VWF: variants seen among roughly 807,000 people sequenced by gnomAD.
VWF encodes Factor VIII related antigen.
In VWF, 176 loss-of-function variants were observed where a neutral mutation model predicts 308.6. The observed-to-expected ratio is 0.57, with a 90% confidence interval of 0.50 to 0.65. The LOEUF (loss-of-function observed/expected upper bound fraction) is 0.65, where lower values mean the gene tolerates loss of function less well. Ranked by LOEUF, VWF falls within the 30% of genes least tolerant of loss-of-function variation. The pLI is 0.00. For synonymous variants in VWF, 1,385 were observed against 1,443.4 expected, an observed-to-expected ratio of 0.96 and a Z score of 0.92; for missense variants, 3,146 against 3,648.2, an observed-to-expected ratio of 0.86 and a Z score of 3.55.
At chr12:6,010,724 A>G (rs1384410952) in intron 34 of VWF, among the ~76,000 whole-genome samples, 2 of 152,208 alleles carry the variant, frequency 1.3e-5, no homozygotes, top group Admixed American at 6.5e-5. Context: ...TTTAATCACA[A>G]AAGGCAAAGC....
At chr12:6,124,268 G>T (rs1945463157) in intron 1 of VWF, among the ~76,000 whole-genome samples, 153 bp downstream of exon 1, 1 of 152,222 alleles carries the variant, frequency 6.6e-6, no homozygotes, top group South Asian at 2.1e-4. Context: ...GGAGGAGGGA[G>T]TATTAGGATC....
At chr12:6,032,426 T>A (rs909992248) in intron 20 of VWF, among the ~76,000 whole-genome samples, 6 of 150,030 alleles carry the variant, frequency 4.0e-5, no homozygotes, top group Non-Finnish European at 7.4e-5. Flanking sequence ...GATCACGAGG[T>A]CAGGAGATCG....
Position 6,064,244 on chromosome 12 carries a change from A to G in VWF, c.1432+2T>C. 1.9e-6 allele frequency: 3 copies of G among 1,614,046 alleles called. No homozygotes were observed. The highest frequency in any genetic ancestry group is 2.5e-6 in the Non-Finnish European group (3 of 1,180,026). On this transcript the variant is annotated splice_donor_variant, in intron 12 of 51. Coordinates refer to ENST00000261405, the MANE Select transcript of VWF (RefSeq NM_000552.5). LOFTEE classifies it high-confidence loss of function. The stretch of plus-strand genomic sequence containing the variant: ...GGCCTGATGGAGCAGGACGAAGCAT[A>G]CCTTTCAGGAGGGGGAGCTGGACGT...
At position 6,110,968 on chromosome 12, in the gene VWF, C is replaced by T; in HGVS notation, c.221G>A (p.Gly74Glu). Residue 74 changes from glycine to glutamate, a missense_variant and splice_region_variant, in exon 4 of 52, where the codon GGG becomes GAG. Transcript: ENST00000261405. ...CACTCTCTTGCCATTCTGGAAGTCC[C>T]CTGAAAGAGAAAAAAGTCAATAGTA... ...GCQKRSFSII[G>E]DFQNGKRVSL... 1 of 1,613,680 alleles carries T rather than the reference C, an allele frequency of 6.2e-7. No homozygotes were observed. Among genetic ancestry groups the T allele is most frequent in the Non-Finnish European group, 8.5e-7 (1 of 1,179,658 alleles).
chr12:6,050,371 A>G (rs216304), intron 16 of VWF, among the ~76,000 whole-genome samples: 135,202 of 152,186 alleles, frequency 0.89, 60,147 homozygotes, highest in Middle Eastern at 0.92. Flanking sequence ...CAACGTCAAC[A>G]TTTTCCTGCA....
chr12:6,002,973 T>C (rs1258265463), intron 34 of VWF, among the ~76,000 whole-genome samples: 1 of 151,952 alleles, frequency 6.6e-6, no homozygotes, highest in Admixed American at 6.6e-5. Context: ...AACAATAGCA[T>C]TGGCAGAATC....
chr12:6,046,842 A>G lies in VWF; in HGVS notation c.2187-25T>C, dbSNP rs1944451726. ...GCTGCAGAGAAGAAAATCATAGCCG[A>G]GCTTCACGAGACTCGTCTATACTCG... On this transcript the variant is annotated intron_variant, in intron 16 of 51. Coordinates refer to ENST00000261405, the MANE Select transcript of VWF (RefSeq NM_000552.5). The surrounding 1 kb of genome is among the most constrained non-coding windows in gnomAD (Gnocchi z 5.0). The G allele has an allele frequency of 1.2e-6, 2 of 1,609,178 alleles. No individual in the cohort carries two copies. The highest frequency in any genetic ancestry group is 1.3e-5 in the African/African-American group (1 of 74,834).
chr12:5,962,535 A>ATTG (rs1565810332), intron 47 of VWF, among the ~76,000 whole-genome samples: 1 of 131,646 alleles, frequency 7.6e-6, no homozygotes, highest in Admixed American at 8.0e-5. Flanking sequence ...TACACAGGCA[A>ATTG]TTCTTTTTTT....
At chr12:6,100,408 C>T (rs971121361) in intron 5 of VWF, among the ~76,000 whole-genome samples, 5 of 149,820 alleles carry the variant, frequency 3.3e-5, no homozygotes, top group African/African-American at 5.1e-5. Context: ...ACCCAAAGTA[C>T]TACAAATCAT....
chr12:6,069,619 C>T (rs922975063), intron 10 of VWF, among the ~76,000 whole-genome samples: 5 of 152,094 alleles, frequency 3.3e-5, no homozygotes, highest in Admixed American at 6.5e-5. Flanking sequence ...GCAAATGGAC[C>T]GGGAGGCGAT....
At chr12:6,123,767 A>G (rs1367762582) in intron 1 of VWF, among the ~76,000 whole-genome samples, 1 of 152,174 alleles carries the variant, frequency 6.6e-6, no homozygotes, top group Non-Finnish European at 1.5e-5. Context: ...GGAGATGCCC[A>G]GCAAATGTTT....
chr12:5,953,464 G>C, intron 48 of VWF, 32 bp downstream of exon 48: 1 of 1,589,598 alleles, frequency 6.3e-7, no homozygotes. Context: ...ATGGTGATAT[G>C]TGAGGGAGCC....
intron 3 of VWF, among the ~76,000 whole-genome samples, chr12:6,114,633 T>C (rs960562151): frequency 6.6e-6 from 1 of 152,004 alleles, no homozygotes; most frequent in Non-Finnish European, 1.5e-5. Flanking sequence ...AGCTAGTCAG[T>C]GATGAAGAGC....
chr12:5,957,300 C>T (rs933274210), intron 47 of VWF, among the ~76,000 whole-genome samples: 7 of 152,030 alleles, frequency 4.6e-5, no homozygotes, highest in South Asian at 2.1e-4. Context: ...TTAAGCAACA[C>T]GTGAATGTAC....
Position 6,011,748 on chromosome 12 carries a change from C to A in VWF, c.5711G>T (p.Cys1904Phe). ...CAGCAAGGTCTGGCCATCTGGCTGGCAAGTCACGGTGTGGCACTGGTCTGG... is the reference window on the plus strand; with the variant it reads ...CAGCAAGGTCTGGCCATCTGGCTGGAAAGTCACGGTGTGGCACTGGTCTGG... The part of the protein sequence containing the change: ...TLPDQCHTVT[C>F]QPDGQTLLKS... Residue 1904 changes from cysteine to phenylalanine, a missense_variant, in exon 34 of 52, where the codon TGC becomes TTC. By Grantham distance (205) the Cys-to-Phe change is radical. Coordinates refer to ENST00000261405, the MANE Select transcript of VWF (RefSeq NM_000552.5). The A allele has an allele frequency of 6.2e-7, 1 of 1,613,630 alleles. No individual in the cohort carries two copies.
rs941933465 is a variant in VWF, at chr12:6,103,542, G to A, written c.532+6832C>T. 1.0e-4 allele frequency among the ~76,000 whole-genome samples: 8 copies of A among 76,658 alleles called. 1 individual carries two copies. The highest frequency in any genetic ancestry group is 2.1e-4 in the African/African-American group (3 of 14,534). 50.3% of individuals were successfully genotyped at this position (76,658 alleles called of 152,430 possible). A position where few individuals can be genotyped will look rare whatever the true frequency, so the allele number is the denominator to read the frequency against. ...CACATATGTGTATATACACATATATGTATACACACACACACACACACACAC... is the reference window on the plus strand; with the variant it reads ...CACATATGTGTATATACACATATATATATACACACACACACACACACACAC... On this transcript the variant is annotated intron_variant, in intron 5 of 51. Coordinates refer to ENST00000261405, the MANE Select transcript of VWF (RefSeq NM_000552.5).
At chr12:6,093,427 G>A (rs561150958) in intron 6 of VWF, among the ~76,000 whole-genome samples, 21 of 152,258 alleles carry the variant, frequency 1.4e-4, no homozygotes, top group African/African-American at 9.6e-5. Context: ...CTGAGGCCCC[G>A]CTGAAGCTCT....
At chr12:5,969,948 CT>C (rs3841766) in intron 44 of VWF, among the ~76,000 whole-genome samples, 7,555 of 152,254 alleles carry the variant, frequency 0.05, 375 homozygotes, top group East Asian at 0.27. Flanking sequence ...CCAGGAGGAT[CT>C]TCCCCAGAAA....
intron 5 of VWF, among the ~76,000 whole-genome samples, chr12:6,096,988 C>A (rs1237922491): frequency 6.8e-6 from 1 of 146,322 alleles, no homozygotes. Flanking sequence ...GAAAAAGATC[C>A]CCCCCACACC....
Sources: allele counts gnomAD v4.1 joint callset (sites outside exome capture counted in the v4.1 genomes callset), GRCh38; gene constraint gnomAD v4.1.1; non-coding constraint Gnocchi (gnomAD v3.1); transcripts MANE v1.5; gene names NCBI Gene and HGNC (gene_info 2026-07-23, HGNC 2026-07-21).